Variants in ATP11A observed in about 807,000 individuals in gnomAD.
The protein encoded by ATP11A is phospholipid-transporting ATPase IH.
In ATP11A, 81 loss-of-function variants were observed where a neutral mutation model predicts 154.4. The ratio of observed to expected loss-of-function variants is 0.52; its 90% CI spans 0.44 to 0.63. ATP11A has a LOEUF of 0.63. ATP11A is among the 30% of genes least tolerant of loss of function. The pLI, the probability that ATP11A is intolerant of heterozygous loss-of-function variation, is 0.00. For missense variants in ATP11A, 1,316 were observed against 1,474.3 expected, an observed-to-expected ratio of 0.89 and a Z score of 1.76; for synonymous variants, 623 against 585.9, an observed-to-expected ratio of 1.06 and a Z score of -0.91.
At chr13:112,830,127 C>T (rs1052644742) in intron 12 of ATP11A, among the ~76,000 whole-genome samples, 6 of 152,124 alleles carry the variant, frequency 3.9e-5, no homozygotes, top group Non-Finnish European at 8.8e-5. Context: ...CCTGAGTGCT[C>T]AGTAAAGGTC....
At chr13:112,868,066 G>A (rs1026648665) in intron 25 of ATP11A, among the ~76,000 whole-genome samples, 11 of 152,226 alleles carry the variant, frequency 7.2e-5, no homozygotes, top group African/African-American at 1.7e-4. Flanking sequence ...CACTGACATC[G>A]TAAGCCATAG....
chr13:112,784,813 G>A (rs183288809), intron 1 of ATP11A, among the ~76,000 whole-genome samples: 187 of 152,318 alleles, frequency 1.2e-3, no homozygotes, highest in Middle Eastern at 6.8e-3. Flanking sequence ...GTGAGCCGCC[G>A]CGCCCGGCCG....
chr13:112,752,914 T>C (rs1173339150), intron 1 of ATP11A, among the ~76,000 whole-genome samples: 1 of 152,180 alleles, frequency 6.6e-6, no homozygotes, highest in Non-Finnish European at 1.5e-5. Context: ...GAAGGAGCCG[T>C]GTCCTTTGGA....
intron 4 of ATP11A, 34 bp from the exon 5 acceptor site, chr13:112,810,585 C>T (rs370183338): frequency 1.9e-6 from 3 of 1,560,022 alleles, no homozygotes; most frequent in African/African-American, 2.7e-5. Context: ...TCTCTCCCTG[C>T]TTCCTCTCTC....
chr13:112,773,705 G>A (rs560333109), intron 1 of ATP11A, among the ~76,000 whole-genome samples: 209 of 152,372 alleles, frequency 1.4e-3, no homozygotes, highest in Non-Finnish European at 2.4e-3. Flanking sequence ...TGTGGCGCTG[G>A]GCTCCATGCA....
intron 1 of ATP11A, among the ~76,000 whole-genome samples, chr13:112,743,239 T>TA (rs1215440420): frequency 1.3e-5 from 2 of 152,308 alleles, no homozygotes; most frequent in East Asian, 3.9e-4. Context: ...GTGAAAAAAA[T>TA]ATGGCTGTAT....
Position 112,845,324 on chromosome 13 carries a change from C to T in ATP11A, c.1809+2945C>T, listed in dbSNP as rs1208937617. ...TAGTGGTTCTAACCAGTCCAGTTGCCGGCACTATCGGTACTAACCAGTCCA... is the reference window on the plus strand; with the variant it reads ...TAGTGGTTCTAACCAGTCCAGTTGCTGGCACTATCGGTACTAACCAGTCCA... On this transcript the variant is annotated intron_variant, in intron 17 of 29. Transcript: ENST00000375645. Among the ~76,000 whole-genome samples, 26 of 112,680 alleles carry T rather than the reference C, an allele frequency of 2.3e-4. 7 individuals carry two copies. Among genetic ancestry groups the T allele is most frequent in the African/African-American group, 9.6e-4 (19 of 19,888 alleles). 73.9% of individuals were successfully genotyped at this position (112,680 alleles called of 152,430 possible).
intron 1 of ATP11A, among the ~76,000 whole-genome samples, chr13:112,706,299 G>T (rs958651447): frequency 6.6e-6 from 1 of 152,202 alleles, no homozygotes; most frequent in South Asian, 2.1e-4. Context: ...TGCAAGAGAG[G>T]AGGATCTGGT....
At chr13:112,717,163 T>C (rs1185090550) in intron 1 of ATP11A, among the ~76,000 whole-genome samples, 1 of 152,226 alleles carries the variant, frequency 6.6e-6, no homozygotes, top group African/African-American at 2.4e-5. Context: ...CTTGTTCAAG[T>C]GTAAAGAACG....
chr13:112,805,568 C>T (rs1399031420), intron 3 of ATP11A, among the ~76,000 whole-genome samples: 2 of 150,220 alleles, frequency 1.3e-5, no homozygotes, highest in African/African-American at 2.4e-5. Context: ...CCCAGCTACG[C>T]GGGAGGCTGA....
At chr13:112,789,053 C>T (rs560999578) in intron 2 of ATP11A, among the ~76,000 whole-genome samples, 10 of 151,792 alleles carry the variant, frequency 6.6e-5, no homozygotes, top group Non-Finnish European at 1.2e-4. Flanking sequence ...TTCATTTACA[C>T]CAGGTGTCCT....
rs2080926474 is a variant in ATP11A at position 112,883,361 on chromosome 13, C to T, written c.*1495C>T. 2.5e-6 allele frequency: 1 copy of T among 395,992 alleles called. No homozygotes were observed. The highest frequency in any genetic ancestry group is 4.4e-5 in the Admixed American group (1 of 22,632). The allele number at this position is 395,992 out of a possible 1,614,324, so 24.5% of individuals were successfully genotyped here. A position where few individuals can be genotyped will look rare whatever the true frequency, so the allele number is the denominator to read the frequency against. ...AAAGAAGACATTTCAGTGTGAGATT[C>T]AGACTTCAGACGCTGAAACTGCTGC... On this transcript the variant is annotated 3_prime_UTR_variant, in exon 30 of 30. Coordinates refer to ENST00000375645, the MANE Select transcript of ATP11A (RefSeq NM_015205.3).
intron 1 of ATP11A, among the ~76,000 whole-genome samples, chr13:112,728,268 G>C (rs1401527345): frequency 6.6e-6 from 1 of 152,180 alleles, no homozygotes; most frequent in Non-Finnish European, 1.5e-5. Flanking sequence ...ACCTCCCTGT[G>C]TTACCTGTAT....
At chr13:112,729,796 A>G (rs1337789249) in intron 1 of ATP11A, among the ~76,000 whole-genome samples, 2 of 152,376 alleles carry the variant, frequency 1.3e-5, no homozygotes, top group East Asian at 3.9e-4. Flanking sequence ...CTGGCCCCTC[A>G]GCTTGCGGGA....
chr13:112,819,293 T>C lies in ATP11A; in HGVS notation c.571-11T>C, dbSNP rs1330784108. 6.2e-7 allele frequency: 1 copy of C among 1,613,628 alleles called. No homozygotes were observed. Among genetic ancestry groups the C allele is most frequent in the Non-Finnish European group, 8.5e-7 (1 of 1,179,570 alleles). ...TTTGGCGGTGAGCTCACATGTCTTG[T>C]GCATTTGTAGACGCATTACGCGGTC... On this transcript the variant is annotated splice_polypyrimidine_tract_variant and intron_variant, in intron 6 of 29. Transcript: ENST00000375645.
chr13:112,768,095 T>C (rs2049514657), intron 1 of ATP11A, among the ~76,000 whole-genome samples: 2 of 152,234 alleles, frequency 1.3e-5, no homozygotes, highest in Non-Finnish European at 2.9e-5. Context: ...TCCAAGTGCC[T>C]GTTTGCTTCT....
intron 1 of ATP11A, among the ~76,000 whole-genome samples, chr13:112,738,041 C>T (rs1447971634): frequency 2.0e-5 from 3 of 152,160 alleles, no homozygotes; most frequent in East Asian, 3.9e-4. Context: ...ATCTGTTCAG[C>T]GCCGGCTTCC....
At chr13:112,862,408 G>A in intron 24 of ATP11A, 32 bp from the exon 25 acceptor site, 1 of 1,611,564 alleles carries the variant, frequency 6.2e-7, no homozygotes, top group Non-Finnish European at 8.5e-7. Flanking sequence ...TGATTCTCGA[G>A]GACACACGCT....
chr13:112,868,310 C>A (rs776975247), intron 25 of ATP11A, among the ~76,000 whole-genome samples: 2 of 152,206 alleles, frequency 1.3e-5, no homozygotes, highest in Non-Finnish European at 2.9e-5. Context: ...CTTGAGAAGG[C>A]GCAAGTTATG....
Sources: allele counts gnomAD v4.1 joint callset (sites outside exome capture counted in the v4.1 genomes callset), GRCh38; gene constraint gnomAD v4.1.1; transcripts MANE v1.5; gene names NCBI Gene and HGNC (gene_info 2026-07-23, HGNC 2026-07-21).